Variants in FAM221A observed in about 807,000 individuals in gnomAD.
The protein encoded by FAM221A is protein FAM221A.
In FAM221A, 43 loss-of-function variants were observed where a neutral mutation model predicts 37.6. The ratio of observed to expected loss-of-function variants is 1.15; its 90% CI spans 0.90 to 1.48. The LOEUF is 1.48. Ranked by LOEUF, FAM221A falls within the 40% of genes most tolerant of loss-of-function variation. The pLI is 0.00. For missense variants in FAM221A, 361 were observed against 361.5 expected (o/e 1.00, Z 0.01); for synonymous variants, 135 against 132.9 (o/e 1.02, Z -0.11).
intron 2 of FAM221A, chr7:23,686,160 G>A: frequency 3.3e-6 from 1 of 301,364 alleles, no homozygotes; most frequent in South Asian, 2.6e-5. Context: ...GGTTTGGTAA[G>A]TTTGTGATAG....
chr7:23,680,243 G>T lies in FAM221A; in HGVS notation c.25G>T (p.Gly9Cys). ...AATGGAGCGGTTGACGTTGCCTCTC[G>T]GCGGCGCGGCGGCGGTGGACGAGTA... is the stretch of plus-strand genomic sequence containing the variant. The part of the protein sequence containing the change: MERLTLPL[G>C]GAAAVDEYLE... The change falls in exon 1 of 7, where the codon GGC (glycine) becomes TGC (cysteine). Residue 9 changes from glycine to cysteine, a missense_variant. Coordinates refer to ENST00000344962, the MANE Select transcript of FAM221A (RefSeq NM_199136.5). 6.5e-7 allele frequency: 1 copy of T among 1,549,332 alleles called. No individual in the cohort carries two copies.
intron 5 of FAM221A, 38 bp downstream of exon 5, chr7:23,698,337 T>C: frequency 9.5e-7 from 1 of 1,055,526 alleles, no homozygotes; most frequent in Non-Finnish European, 1.4e-6. Context: ...TTGGATGTAG[T>C]AAATTGGAAT....
At chr7:23,699,697 A>G (rs1466615420) in intron 5 of FAM221A, among the ~76,000 whole-genome samples, 3 of 151,624 alleles carry the variant, frequency 2.0e-5, no homozygotes, top group Admixed American at 6.6e-5. Flanking sequence ...ATGCACCACC[A>G]TGTCCAGCTA....
intron 5 of FAM221A, among the ~76,000 whole-genome samples, chr7:23,698,983 TAA>T (rs1785228554): frequency 6.6e-6 from 1 of 152,192 alleles, no homozygotes; most frequent in African/African-American, 2.4e-5. Flanking sequence ...TTGCTTTGTT[TAA>T]ACTTCAGTTT....
At chr7:23,683,928 AGT>A (rs1242598144) in intron 1 of FAM221A, among the ~76,000 whole-genome samples, 1 of 152,174 alleles carries the variant, frequency 6.6e-6, no homozygotes, top group Non-Finnish European at 1.5e-5. Context: ...TTTATGTGTA[AGT>A]GTGCATTTAT....
intron 1 of FAM221A, among the ~76,000 whole-genome samples, chr7:23,682,100 C>T (rs963076179): frequency 3.3e-5 from 5 of 152,018 alleles, no homozygotes; most frequent in Non-Finnish European, 7.4e-5. Flanking sequence ...GAGTCTCGCT[C>T]TGTCACCCAG....
intron 4 of FAM221A, chr7:23,693,347 C>G (rs1489865686): frequency 6.6e-6 from 1 of 152,100 alleles, no homozygotes; most frequent in East Asian, 1.9e-4. Flanking sequence ...TTTTGCCAGT[C>G]TGACATGTAA....
At chr7:23,685,792 G>A (rs527754188) in intron 2 of FAM221A, among the ~76,000 whole-genome samples, 33 of 152,254 alleles carry the variant, frequency 2.2e-4, no homozygotes, top group African/African-American at 7.5e-4. Context: ...GTTTTGCTGT[G>A]TGTATGCTCT....
intron 4 of FAM221A, among the ~76,000 whole-genome samples, chr7:23,697,006 G>T (rs1320554037): frequency 5.9e-5 from 9 of 152,172 alleles, no homozygotes; most frequent in Middle Eastern, 3.4e-3. Flanking sequence ...CCTAAGCTCG[G>T]GGACTCAATA....
chr7:23,698,600 G>A (rs1236895023), intron 5 of FAM221A, among the ~76,000 whole-genome samples: 1 of 152,114 alleles, frequency 6.6e-6, no homozygotes, highest in Admixed American at 6.5e-5. Context: ...AGGGCCTTCT[G>A]GCGGCCTAAT....
intron 1 of FAM221A, 62 bp downstream of exon 1, chr7:23,680,345 G>C (rs1479005597): frequency 1.4e-6 from 2 of 1,407,526 alleles, no homozygotes; most frequent in African/African-American, 1.5e-5. Flanking sequence ...CCCTGGGCTG[G>C]GGGCGCGAGC....
chr7:23,683,850 T>C (rs1408598744), intron 1 of FAM221A, among the ~76,000 whole-genome samples: 1 of 152,180 alleles, frequency 6.6e-6, no homozygotes, highest in Non-Finnish European at 1.5e-5. Context: ...TAACTGGTTA[T>C]AGGGAGAAGG....
At chr7:23,686,267 C>CTTTT in intron 2 of FAM221A, 18 of 390,370 alleles carry the variant, frequency 4.6e-5, no homozygotes, top group South Asian at 9.3e-5. Flanking sequence ...TCCAACTCAA[C>CTTTT]TTTTTTTTTT....
At position 23,699,535 on chromosome 7, in the gene FAM221A, CTTTTTTT is replaced by C. The variant is rs57930152; in HGVS notation, c.746-1232_746-1226del. 1.1e-4 allele frequency among the ~76,000 whole-genome samples: 7 copies of C among 64,194 alleles called. No individual in the cohort carries two copies. In the South Asian group the frequency reaches 2.9e-3, roughly 26 times the overall value. 42.1% of individuals were successfully genotyped at this position (64,194 alleles called of 152,430 possible). A position where few individuals can be genotyped will look rare whatever the true frequency, so the allele number is the denominator to read the frequency against. The stretch of plus-strand genomic sequence containing the variant: ...GCTTGTTTCTGATAGTCACCTTTTC[CTTTTTTT>C]TTTTTTTTTTTTTTTTTTGAGACAG... On this transcript the variant is annotated intron_variant, in intron 5 of 6. Transcript: ENST00000344962.
chr7:23,682,443 T>TATTATTA (rs1253601124), intron 1 of FAM221A, among the ~76,000 whole-genome samples: 1 of 145,894 alleles, frequency 6.9e-6, no homozygotes, highest in African/African-American at 2.5e-5. Flanking sequence ...ATTATTATTT[T>TATTATTA]TTTTTTTAGA....
intron 3 of FAM221A, among the ~76,000 whole-genome samples, chr7:23,691,183 GT>G (rs775358624): frequency 2.4e-3 from 349 of 146,368 alleles, no homozygotes; most frequent in African/African-American, 7.4e-3. Context: ...GTGTTTTGCA[GT>G]TTTTTTTTTT....
rs1785513746 is a variant in FAM221A, at chr7:23,702,406, GTC to G, written c.*244_*245del. On this transcript the variant is annotated 3_prime_UTR_variant, in exon 7 of 7. Coordinates refer to ENST00000344962, the MANE Select transcript of FAM221A (RefSeq NM_199136.5). ...TGACAAATGAGGTTATTTTATATGA[GTC>G]TGTCTGAGAGTACAGTAAATGTTTT... The G allele has an allele frequency of 3.7e-6, 1 of 268,510 alleles. No individual in the cohort carries two copies. 16.6% of individuals were successfully genotyped at this position (268,510 alleles called of 1,614,324 possible). A position where few individuals can be genotyped will look rare whatever the true frequency, so the allele number is the denominator to read the frequency against.
In FAM221A at chr7:23,680,234, T is replaced by C. The variant is rs775824411; in HGVS notation, c.16T>C (p.Leu6=). 3.2e-5 allele frequency: 49 copies of C among 1,549,708 alleles called. No homozygotes were observed. In the Admixed American group the frequency reaches 9.6e-4, roughly 30 times the overall value. The change falls in exon 1 of 7, where the codon TTG becomes CTG. Residue 6 remains leucine, a synonymous_variant. Transcript: ENST00000344962. ...CCCACCGGCAATGGAGCGGTTGACG[T>C]TGCCTCTCGGCGGCGCGGCGGCGGT... MERLT[L]PLGGAAAVDE...
intron 2 of FAM221A, chr7:23,686,294 T>A (rs559138028): frequency 0.021 from 9,278 of 434,304 alleles, 268 homozygotes; most frequent in African/African-American, 0.092. Flanking sequence ...GACAGGGTCT[T>A]ACTCTGTCAC....
Sources: gnomAD v4.1 joint callset for allele counts (sites outside exome capture counted in the v4.1 genomes callset) on GRCh38, gnomAD v4.1.1 for gene constraint, MANE v1.5 for transcripts, NCBI Gene and HGNC (gene_info 2026-07-23, HGNC 2026-07-21) for gene names.